HEXB: variants seen among roughly 807,000 people sequenced by gnomAD.
HEXB encodes hexosaminidase subunit beta, also known as beta-hexosaminidase subunit beta.
Under a neutral mutation model 71.2 loss-of-function variants are expected in HEXB, and 51 were observed. The observed-to-expected ratio is 0.72, with a 90% CI of 0.57 to 0.90. HEXB has a LOEUF of 0.90. Among genes scored for constraint, HEXB ranks in the 40% least tolerant of loss-of-function variants. HEXB has a pLI of 0.00. For missense variants in HEXB, 617 were observed against 677.0 expected (o/e 0.91, Z 0.98); for synonymous variants, 266 against 249.3 (o/e 1.07, Z -0.63).
intron 1 of HEXB, among the ~76,000 whole-genome samples, chr5:74,657,483 TG>T (rs1230160820): frequency 3.3e-5 from 5 of 151,966 alleles, no homozygotes; most frequent in Non-Finnish European, 7.4e-5. Context: ...TTCACCCTGC[TG>T]GATTTTCCTT....
At chr5:74,642,151 C>T (rs1414230997) in intron 1 of HEXB, among the ~76,000 whole-genome samples, 1 of 152,198 alleles carries the variant, frequency 6.6e-6, no homozygotes, top group Admixed American at 6.5e-5. Context: ...ATCCTTGTTC[C>T]TTCCTGGTAT....
Position 74,677,613 on chromosome 5 carries a change from C to A in HEXB, c.-376-11715C>A, listed in dbSNP as rs1167736647. Among the ~76,000 whole-genome samples, 6 of 151,096 alleles carry A rather than the reference C, an allele frequency of 4.0e-5. No individual in the cohort carries two copies. In the East Asian group the frequency reaches 1.2e-3, roughly 29 times the overall value. The stretch of plus-strand genomic sequence containing the variant: ...AACAGGTCTTTATTTAATCTTCTTC[C>A]TTTCCTGTCTCGCTCTCCCCACTGT... On this transcript the variant is annotated intron_variant, in intron 1 of 13. Coordinates refer to the HEXB transcript ENST00000511181.
chr5:74,720,097 A>G, intron 11 of HEXB: 1 of 328,998 alleles, frequency 3.0e-6, no homozygotes, highest in Non-Finnish European at 5.8e-6. Flanking sequence ...CCAGGGATTT[A>G]AAAAATGGTT....
intron 1 of HEXB, among the ~76,000 whole-genome samples, chr5:74,687,385 C>T (rs1334550375): frequency 6.6e-6 from 1 of 152,216 alleles, no homozygotes; most frequent in Non-Finnish European, 1.5e-5. Flanking sequence ...GGTTGTATCA[C>T]AAACCTTGCT....
At chr5:74,697,727 CAAA>C (rs34363294) in intron 5 of HEXB, among the ~76,000 whole-genome samples, 5 of 110,394 alleles carry the variant, frequency 4.5e-5, no homozygotes, top group Admixed American at 2.1e-4. Flanking sequence ...GACTCTGTCT[CAAA>C]AAAAAAAAAA....
intron 6 of HEXB, among the ~76,000 whole-genome samples, chr5:74,710,408 G>A (rs1252492937): frequency 1.3e-5 from 2 of 152,152 alleles, no homozygotes; most frequent in Non-Finnish European, 2.9e-5. Flanking sequence ...CACCACTCCT[G>A]TTCAACATAG....
At chr5:74,655,482 T>A (rs1241463152) in intron 1 of HEXB, among the ~76,000 whole-genome samples, 1 of 137,054 alleles carries the variant, frequency 7.3e-6, no homozygotes, top group Non-Finnish European at 1.6e-5. Flanking sequence ...CCAGCTAAGT[T>A]TGTTTTTTTG....
chr5:74,713,353 T>A (rs1235316410), intron 6 of HEXB, among the ~76,000 whole-genome samples, 153 bp from the exon 7 acceptor site: 1 of 152,220 alleles, frequency 6.6e-6, no homozygotes, highest in Non-Finnish European at 1.5e-5. Context: ...ACTATATTAT[T>A]TTTAAATGAG....
intron 1 of HEXB, 107 bp from the exon 2 acceptor site, chr5:74,689,221 A>G: frequency 1.2e-6 from 1 of 857,532 alleles, no homozygotes; most frequent in South Asian, 1.4e-5. Context: ...TGGACTTACA[A>G]TGGGCAGCAT....
chr5:74,684,830 A>G (rs1748816111), upstream of HEXB, among the ~76,000 whole-genome samples: 1 of 151,954 alleles, frequency 6.6e-6, no homozygotes, highest in Non-Finnish European at 1.5e-5. Flanking sequence ...GGCACCCGCC[A>G]TCATGCTCGG....
intron 2 of HEXB, among the ~76,000 whole-genome samples, chr5:74,691,050 G>A (rs545071581): frequency 1.3e-5 from 2 of 152,300 alleles, no homozygotes; most frequent in African/African-American, 4.8e-5. Context: ...AATGTATCGA[G>A]ACTAGAGAGT....
At chr5:74,648,937 T>A (rs1748052691) in intron 1 of HEXB, among the ~76,000 whole-genome samples, 1 of 152,168 alleles carries the variant, frequency 6.6e-6, no homozygotes, top group Admixed American at 6.5e-5. Flanking sequence ...AAATGCGGGT[T>A]TCCACAGACC....
chr5:74,653,549 C>G (rs920946895), intron 1 of HEXB, among the ~76,000 whole-genome samples: 4 of 152,186 alleles, frequency 2.6e-5, no homozygotes, highest in African/African-American at 9.6e-5. Flanking sequence ...AGGATCTCAA[C>G]TTTAAACCAT....
intron 1 of HEXB, among the ~76,000 whole-genome samples, chr5:74,675,506 C>T (rs1748614579): frequency 1.3e-5 from 2 of 152,274 alleles, no homozygotes; most frequent in South Asian, 2.1e-4. Context: ...TTCTCCTCCT[C>T]ATTTTGCTAT....
chr5:74,647,158 T>C (rs1748017127), intron 1 of HEXB, among the ~76,000 whole-genome samples: 1 of 152,200 alleles, frequency 6.6e-6, no homozygotes, highest in African/African-American at 2.4e-5. Context: ...TCCCTGTTTT[T>C]CTTTTGAGTA....
At chr5:74,668,935 T>A (rs1368086184) in intron 1 of HEXB, among the ~76,000 whole-genome samples, 1 of 152,238 alleles carries the variant, frequency 6.6e-6, no homozygotes, top group African/African-American at 2.4e-5. Context: ...ACAGAATGTT[T>A]ATTGGTTTGT....
At chr5:74,659,754 C>G (rs1748285158) in intron 1 of HEXB, among the ~76,000 whole-genome samples, 1 of 152,270 alleles carries the variant, frequency 6.6e-6, no homozygotes, top group African/African-American at 2.4e-5. Context: ...GGGACTTCAG[C>G]AAAAACTAAT....
intron 1 of HEXB, among the ~76,000 whole-genome samples, chr5:74,661,559 GTGTGTCTC>G (rs1561204884): frequency 3.7e-5 from 5 of 134,434 alleles, no homozygotes; most frequent in African/African-American, 1.1e-4. Context: ...GTGTGTGTGT[GTGTGTCTC>G]TCTCTCTCTC....
At chr5:74,713,719 A>C in intron 7 of HEXB, 84 bp downstream of exon 7, 1 of 1,153,006 alleles carries the variant, frequency 8.7e-7, no homozygotes, top group Non-Finnish European at 1.3e-6. Flanking sequence ...GCTGGAGTGC[A>C]GTAGTACAAT....
Sources: gnomAD v4.1 joint callset for allele counts (sites outside exome capture counted in the v4.1 genomes callset) on GRCh38, gnomAD v4.1.1 for gene constraint, MANE v1.5 for transcripts, NCBI Gene and HGNC (gene_info 2026-07-23, HGNC 2026-07-21) for gene names.